The following CDH8 variants were observed in gnomAD, a reference collection of about 807,000 sequenced individuals.
The protein encoded by CDH8 is cadherin 8, also known as cadherin-8.
Under a neutral mutation model 68.1 loss-of-function variants are expected in CDH8, and 17 were observed. The observed-to-expected ratio is 0.25, with a 90% CI of 0.17 to 0.37. The LOEUF (loss-of-function observed/expected upper bound fraction) is 0.37. CDH8 is among the 10% of genes least tolerant of loss of function. The pLI, the probability that CDH8 is intolerant of heterozygous loss-of-function variation, is 1.00. For synonymous variants in CDH8, 372 were observed against 365.1 expected (o/e 1.02, Z -0.21); for missense variants, 763 against 999.3 (o/e 0.76, Z 3.19).
At chr16:62,005,884 C>T (rs748490977) in intron 2 of CDH8, among the ~76,000 whole-genome samples, 3 of 152,092 alleles carry the variant, frequency 2.0e-5, no homozygotes, top group South Asian at 2.1e-4. Flanking sequence ...GGGTGGTGCA[C>T]GTAAAAGGAT....
At chr16:61,910,465 C>A (rs1169454656) in intron 2 of CDH8, among the ~76,000 whole-genome samples, 2 of 151,478 alleles carry the variant, frequency 1.3e-5, no homozygotes, top group Non-Finnish European at 2.9e-5. Context: ...CTAAGACAAG[C>A]AAAGATTTAA....
chr16:62,031,093 A>AT lies in CDH8; in HGVS notation c.-200+4986dup, dbSNP rs140248154. Among the ~76,000 whole-genome samples, 1,325 of 152,272 alleles carry AT rather than the reference A, an allele frequency of 8.7e-3. 18 individuals carry two copies. Among genetic ancestry groups the AT allele is most frequent in the African/African-American group, 0.03 (1,228 of 41,546 alleles). On this transcript the variant is annotated intron_variant, in intron 1 of 11. Coordinates refer to ENST00000577390, the MANE Select transcript of CDH8 (RefSeq NM_001796.5). ...CATGCAGCAACTCCACAATTAGTGC[A>AT]TTTTTTTGCCAATAAAATATAACTT...
At chr16:61,972,899 A>C (rs1408762509) in intron 2 of CDH8, among the ~76,000 whole-genome samples, 1 of 152,210 alleles carries the variant, frequency 6.6e-6, no homozygotes, top group African/African-American at 2.4e-5. Context: ...ATAGAGAAAA[A>C]TGCAAAGCTC....
At chr16:61,943,090 A>G (rs1229334414) in intron 2 of CDH8, among the ~76,000 whole-genome samples, 2 of 152,184 alleles carry the variant, frequency 1.3e-5, no homozygotes, top group African/African-American at 4.8e-5. Context: ...CAAAACAAAA[A>G]AAGAAAAACA....
chr16:61,666,745 T>C (rs1227817184), intron 10 of CDH8, among the ~76,000 whole-genome samples: 1 of 151,800 alleles, frequency 6.6e-6, no homozygotes, highest in Non-Finnish European at 1.5e-5. Flanking sequence ...AAGAAAAAAA[T>C]GCCACTGTGT....
intron 4 of CDH8, among the ~76,000 whole-genome samples, chr16:61,854,326 C>T (rs1963001586): frequency 6.6e-6 from 1 of 152,024 alleles, no homozygotes; most frequent in African/African-American, 2.4e-5. Context: ...AATGACTGAG[C>T]ATGGTGAGTT....
chr16:61,659,898 G>A (rs1320839288), intron 10 of CDH8, among the ~76,000 whole-genome samples: 1 of 152,096 alleles, frequency 6.6e-6, no homozygotes, highest in Non-Finnish European at 1.5e-5. Flanking sequence ...TGAATGGACT[G>A]GTCTGTAGAG....
At chr16:61,896,281 T>C (rs1963867640) in intron 3 of CDH8, among the ~76,000 whole-genome samples, 1 of 152,250 alleles carries the variant, frequency 6.6e-6, no homozygotes, top group Non-Finnish European at 1.5e-5. Flanking sequence ...TAAAATAATT[T>C]GGCTGCCATT....
chr16:61,726,572 A>G (rs1959375274), intron 9 of CDH8: 1 of 152,326 alleles, frequency 6.6e-6, no homozygotes, highest in South Asian at 2.1e-4. Flanking sequence ...AAAATGTTCT[A>G]CTAATACACA....
intron 2 of CDH8, among the ~76,000 whole-genome samples, chr16:61,960,583 CA>C (rs1472220085): frequency 6.6e-6 from 1 of 152,022 alleles, no homozygotes; most frequent in African/African-American, 2.4e-5. Context: ...AGCTGGTGCC[CA>C]AAAAGACTCT....
At chr16:61,663,665 C>T (rs62049434) in intron 10 of CDH8, among the ~76,000 whole-genome samples, 24,095 of 151,706 alleles carry the variant, frequency 0.16, 2,129 homozygotes, top group African/African-American at 0.21. Context: ...TTCATTAGAA[C>T]TAAGAAATAT....
chr16:61,861,225 A>T (rs1028668918), intron 3 of CDH8, among the ~76,000 whole-genome samples: 1 of 152,220 alleles, frequency 6.6e-6, no homozygotes, highest in South Asian at 2.1e-4. Flanking sequence ...AATAATAGTT[A>T]AAAATGCCTG....
chr16:62,021,094 T>C lies in CDH8; in HGVS notation c.252+58A>G, dbSNP rs1902062221. 2.7e-6 allele frequency: 4 copies of C among 1,457,958 alleles called. No individual in the cohort carries two copies. The Admixed American group carries it at 7.2e-5, about 26-fold the overall frequency. The allele number at this position is 1,457,958 out of a possible 1,614,324, so 90.3% of individuals were successfully genotyped here. A position where few individuals can be genotyped will look rare whatever the true frequency, so the allele number is the denominator to read the frequency against. ...GTCACAATTAAAAAGAGTCTGGTAT[T>C]AAACATCTTAAGACCACTAACAGAC... On this transcript the variant is annotated intron_variant, in intron 2 of 11. Transcript: ENST00000577390.
chr16:61,951,753 C>T (rs925900457), intron 2 of CDH8, among the ~76,000 whole-genome samples: 2 of 152,202 alleles, frequency 1.3e-5, no homozygotes, highest in African/African-American at 4.8e-5. Context: ...GATGTTAATT[C>T]CTTCATGCCT....
chr16:61,699,866 G>A (rs1306878690), intron 10 of CDH8, among the ~76,000 whole-genome samples: 1 of 152,162 alleles, frequency 6.6e-6, no homozygotes, highest in South Asian at 2.1e-4. Flanking sequence ...ATGAGCCACC[G>A]TGCCCGGCCC....
At chr16:61,997,568 T>C (rs916309694) in intron 2 of CDH8, among the ~76,000 whole-genome samples, 1 of 152,150 alleles carries the variant, frequency 6.6e-6, no homozygotes, top group African/African-American at 2.4e-5. Flanking sequence ...TAATGAGAAA[T>C]AGAATTGTCA....
At chr16:61,879,746 T>G (rs1370718850) in intron 3 of CDH8, among the ~76,000 whole-genome samples, 1 of 152,144 alleles carries the variant, frequency 6.6e-6, no homozygotes, top group Admixed American at 6.5e-5. Flanking sequence ...ATGTCTGCCA[T>G]GCATCCAGCC....
At chr16:62,027,404 C>A (rs1342476931) in intron 1 of CDH8, among the ~76,000 whole-genome samples, 2 of 152,132 alleles carry the variant, frequency 1.3e-5, no homozygotes, top group African/African-American at 4.8e-5. Context: ...AAATGATGAA[C>A]AACACACTGA....
At chr16:61,822,027 T>G (rs1962225292) in intron 5 of CDH8, among the ~76,000 whole-genome samples, 1 of 151,816 alleles carries the variant, frequency 6.6e-6, no homozygotes. Context: ...TAATGCCTCC[T>G]GCAGAAGCAG....
Sources: gnomAD v4.1 joint callset for allele counts (sites outside exome capture counted in the v4.1 genomes callset) on GRCh38, gnomAD v4.1.1 for gene constraint, MANE v1.5 for transcripts, NCBI Gene and HGNC (gene_info 2026-07-23, HGNC 2026-07-21) for gene names.